Variants in ARRDC3 observed in about 807,000 individuals in gnomAD.
ARRDC3 encodes arrestin domain-containing protein 3.
In ARRDC3, 10 loss-of-function variants were observed where a neutral mutation model predicts 47.2. That is an observed-to-expected ratio of 0.21 (90% CI 0.13 to 0.36). The LOEUF (loss-of-function observed/expected upper bound fraction) is 0.36, where lower values mean the gene tolerates loss of function less well. ARRDC3 is among the 10% of genes least tolerant of loss of function. The pLI, the probability that ARRDC3 is intolerant of heterozygous loss-of-function variation, is 1.00. For synonymous variants in ARRDC3, 156 were observed against 178.3 expected (o/e 0.87, Z 1.00); for missense variants, 381 against 503.6 (o/e 0.76, Z 2.33).
chr5:91,371,577 G>A (rs1799179321), intron 7 of ARRDC3, 121 bp from the exon 8 acceptor site: 2 of 717,750 alleles, frequency 2.8e-6, no homozygotes, highest in South Asian at 3.6e-5. Flanking sequence ...AACACAGCTT[G>A]TTAGCATATT....
At chr5:91,381,278 T>C (rs1799452280) in intron 1 of ARRDC3, among the ~76,000 whole-genome samples, 1 of 152,240 alleles carries the variant, frequency 6.6e-6, no homozygotes, top group African/African-American at 2.4e-5. Context: ...AATGAAATTA[T>C]ATTTGTCCTC....
rs753100455 is a variant in ARRDC3 at position 91,376,761 on chromosome 5, C to T, written c.370G>A (p.Ala124Thr). Residue 124 changes from alanine (A) to threonine (T), a missense_variant, in exon 3 of 8, where the codon GCT (alanine) becomes ACT (threonine). Ala to Thr is a moderately conservative substitution (Grantham distance 58, BLOSUM62 0). Transcript: ENST00000265138. ...FSFELPQTPL[A>T]TSFEGRHGSV... ...CCATGTCGGCCTTCGAATGAGGTAG[C>T]GAGTGGTCTGTGCAGAATATAAAGG... 1.2e-5 allele frequency: 19 copies of T among 1,613,130 alleles called. No homozygotes were observed. Among genetic ancestry groups the T allele is most frequent in the African/African-American group, 5.3e-5 (4 of 74,810 alleles).
intron 2 of ARRDC3, among the ~76,000 whole-genome samples, chr5:91,378,360 C>G (rs560031137): frequency 6.6e-6 from 1 of 152,130 alleles, no homozygotes; most frequent in South Asian, 2.1e-4. Context: ...TATCTTTTCT[C>G]ATAATGATAA....
intron 1 of ARRDC3, among the ~76,000 whole-genome samples, chr5:91,381,192 G>T (rs1799449859): frequency 6.6e-6 from 1 of 150,380 alleles, no homozygotes; most frequent in Non-Finnish European, 1.5e-5. Flanking sequence ...TCGTCTACGC[G>T]TTGCAGGGTT....
chr5:91,378,798 A>C lies in ARRDC3; in HGVS notation c.281-23T>G. Reference sequence around the variant, plus strand: ...CATCTAAAACAAACATAAAAAGAAAACAAAGAATTTATTATTCAACATTTA... The same window carrying C: ...CATCTAAAACAAACATAAAAAGAAACCAAAGAATTTATTATTCAACATTTA... On this transcript the variant is annotated intron_variant, in intron 1 of 7. Coordinates refer to ENST00000265138, the MANE Select transcript of ARRDC3 (RefSeq NM_020801.4). 1 of 1,494,922 alleles carries C rather than the reference A, an allele frequency of 6.7e-7. No individual in the cohort carries two copies. Among genetic ancestry groups the C allele is most frequent in the Non-Finnish European group, 9.1e-7 (1 of 1,093,204 alleles). 92.6% of individuals were successfully genotyped at this position (1,494,922 alleles called of 1,614,324 possible). A position where few individuals can be genotyped will look rare whatever the true frequency, so the allele number is the denominator to read the frequency against.
At chr5:91,379,344 CTAAAAA>C (rs1169876375) in intron 1 of ARRDC3, among the ~76,000 whole-genome samples, 4 of 134,768 alleles carry the variant, frequency 3.0e-5, no homozygotes, top group African/African-American at 1.1e-4. Flanking sequence ...AGATTTATAA[CTAAAAA>C]TAATTATTTA....
chr5:91,373,886 G>A, intron 6 of ARRDC3, 48 bp from the exon 7 acceptor site: 1 of 1,608,980 alleles, frequency 6.2e-7, no homozygotes, highest in Non-Finnish European at 8.5e-7. Flanking sequence ...TCTTATGCAT[G>A]TCAAAATACA....
chr5:91,369,052 G>A lies in ARRDC3; in HGVS notation c.*2348C>T, dbSNP rs978455733. ...TGACCAATATTTTTAAAAAAGTAATGCCTCTAAAGAAATACATTTTAAAGG... is the reference window on the plus strand; with the variant it reads ...TGACCAATATTTTTAAAAAAGTAATACCTCTAAAGAAATACATTTTAAAGG... On this transcript the variant is annotated 3_prime_UTR_variant, in exon 8 of 8. Transcript: ENST00000265138. The A allele has an allele frequency of 1.3e-5, 2 of 152,462 alleles. No homozygotes were observed. Among genetic ancestry groups the A allele is most frequent in the African/African-American group, 4.8e-5 (2 of 41,408 alleles). 9.4% of individuals were successfully genotyped at this position (152,462 alleles called of 1,614,324 possible).
At position 91,370,729 on chromosome 5, in the gene ARRDC3, CTACA is replaced by C. The variant is rs1363366356; in HGVS notation, c.*667_*670del. ...TCCCACATTATCTGTTGCGTATCTA[CTACA>C]GTAGGCTGCAAAACATACAGCAAAA... On this transcript the variant is annotated 3_prime_UTR_variant, in exon 8 of 8. Transcript: ENST00000265138. 1 of 152,388 alleles carries C rather than the reference CTACA, an allele frequency of 6.6e-6. No individual in the cohort carries two copies. Among genetic ancestry groups the C allele is most frequent in the African/African-American group, 2.4e-5 (1 of 41,368 alleles). The allele number at this position is 152,388 out of a possible 1,614,324, so 9.4% of individuals were successfully genotyped here. A position where few individuals can be genotyped will look rare whatever the true frequency, so the allele number is the denominator to read the frequency against.
intron 1 of ARRDC3, chr5:91,380,465 A>G (rs1304818009): frequency 2.0e-5 from 3 of 152,226 alleles, no homozygotes; most frequent in Non-Finnish European, 4.4e-5. Context: ...GGCTTCGGAA[A>G]ACGATGGGGG....
rs1799485185 is a variant in ARRDC3 at position 91,383,064 on chromosome 5, G to A, written c.29C>T (p.Thr10Ile). ...GTCATTAAGACAGTCAAAGCTTATT[G>A]TCAAACTCTTCACCTTTCCCAGCAC... MVLGKVKSL[T>I]ISFDCLNDSN... Residue 10 changes from threonine (T) to isoleucine (I), a missense_variant, in exon 1 of 8, where the codon ACA (threonine) becomes ATA (isoleucine). Coordinates refer to ENST00000265138, the MANE Select transcript of ARRDC3 (RefSeq NM_020801.4). 2 of 1,611,610 alleles carry A rather than the reference G, an allele frequency of 1.2e-6. No individual in the cohort carries two copies. Among genetic ancestry groups the A allele is most frequent in the Admixed American group, 1.7e-5 (1 of 59,720 alleles).
chr5:91,372,998 A>T (rs1799215230), intron 7 of ARRDC3, among the ~76,000 whole-genome samples: 1 of 152,190 alleles, frequency 6.6e-6, no homozygotes, highest in African/African-American at 2.4e-5. Context: ...AGGACTACTC[A>T]TTCTTCAAAA....
chr5:91,376,917 G>A, intron 2 of ARRDC3, 149 bp from the exon 3 acceptor site: 1 of 707,826 alleles, frequency 1.4e-6, no homozygotes, highest in African/African-American at 1.9e-5. Flanking sequence ...AAAGGGATAA[G>A]TCACTGGGGA....
At chr5:91,378,554 T>C in intron 2 of ARRDC3, 140 bp downstream of exon 2, 1 of 573,662 alleles carries the variant, frequency 1.7e-6, no homozygotes. Flanking sequence ...ATGTTTAATA[T>C]ATTGTTTTCC....
In ARRDC3 at chr5:91,369,353, G is replaced by T. The variant is rs1204526706; in HGVS notation, c.*2047C>A. 1 of 151,668 alleles carries T rather than the reference G, an allele frequency of 6.6e-6. No homozygotes were observed. The highest frequency in any genetic ancestry group is 1.5e-5 in the Non-Finnish European group (1 of 67,902). 9.4% of individuals were successfully genotyped at this position (151,668 alleles called of 1,614,324 possible). The stretch of plus-strand genomic sequence containing the variant: ...AATATTCCATTAGCTTTTTTTGAGG[G>T]GGACATTCACAAAATGATTCAACAA... On this transcript the variant is annotated 3_prime_UTR_variant, in exon 8 of 8. Transcript: ENST00000265138.
intron 2 of ARRDC3, 94 bp from the exon 3 acceptor site, chr5:91,376,862 T>C: frequency 1.7e-6 from 2 of 1,195,854 alleles, no homozygotes; most frequent in Non-Finnish European, 2.2e-6. Flanking sequence ...TATTGTATTG[T>C]TTATGTTCCA....
In ARRDC3 at chr5:91,378,689, C is replaced by T; in HGVS notation, c.362+5G>A. The T allele has an allele frequency of 6.5e-7, 1 of 1,535,250 alleles. No homozygotes were observed. Among genetic ancestry groups the T allele is most frequent in the Non-Finnish European group, 8.9e-7 (1 of 1,119,538 alleles). On this transcript the variant is annotated splice_donor_5th_base_variant and intron_variant, in intron 2 of 7. Coordinates refer to ENST00000265138, the MANE Select transcript of ARRDC3 (RefSeq NM_020801.4). ...ATAAAAATGCCTATTATTTATAATA[C>T]TTACGTCTGTGGAAGCTCGAAGCTG...
chr5:91,371,370 C>T lies in ARRDC3; in HGVS notation c.*30G>A, dbSNP rs565562864. 1.9e-6 allele frequency: 3 copies of T among 1,589,126 alleles called. No homozygotes were observed. Among genetic ancestry groups the T allele is most frequent in the Middle Eastern group, 1.7e-4 (1 of 6,026 alleles). On this transcript the variant is annotated 3_prime_UTR_variant, in exon 8 of 8. Transcript: ENST00000265138. ...GCCGGAAGAGATACAGTTCGGAACC[C>T]ACATCAACTTGATTCAACCAAGTGT...
rs368844197 is a variant in ARRDC3, at chr5:91,373,853, T to C, written c.1034-15A>G. The stretch of plus-strand genomic sequence containing the variant: ...GCTGGGTGGTGCTGAAGGAAAAAGA[T>C]ACACGCAATTCGAACAGCATGTTCT... On this transcript the variant is annotated splice_polypyrimidine_tract_variant and intron_variant, in intron 6 of 7. Transcript: ENST00000265138. 10 of 1,613,540 alleles carry C rather than the reference T, an allele frequency of 6.2e-6. No individual in the cohort carries two copies. In the African/African-American group the frequency reaches 1.1e-4, roughly 17 times the overall value.
Sources: allele counts gnomAD v4.1 joint callset (sites outside exome capture counted in the v4.1 genomes callset), GRCh38; gene constraint gnomAD v4.1.1; transcripts MANE v1.5; gene names NCBI Gene and HGNC (gene_info 2026-07-23, HGNC 2026-07-21).